The following IFNL2 variants were observed in gnomAD, a reference collection of about 807,000 sequenced individuals.
The protein encoded by IFNL2 is interferon lambda 2.
A neutral mutation model predicts 18.7 loss-of-function variants in IFNL2; 17 were observed. The ratio of observed to expected loss-of-function variants is 0.91; its 90% CI spans 0.62 to 1.36. IFNL2 has a LOEUF of 1.36. Ranked by LOEUF, IFNL2 falls within the 40% of genes most tolerant of loss-of-function variation. The probability of loss-of-function intolerance (pLI) is 0.00; values close to 1 mark genes in which losing one functional copy is unlikely to be tolerated. For missense variants in IFNL2, 225 were observed against 257.3 expected (o/e 0.87, Z 0.86); for synonymous variants, 96 against 113.4 (o/e 0.85, Z 0.98).
intron 3 of IFNL2, 113 bp downstream of exon 3, chr19:39,269,342 G>A: frequency 6.8e-7 from 1 of 1,473,726 alleles, no homozygotes; most frequent in Non-Finnish European, 9.2e-7. Flanking sequence ...CCTCACACCT[G>A]CTCTCCCTTC....
Position 39,270,096 on chromosome 19 carries a change from T to A in IFNL2, c.*83T>A, listed in dbSNP as rs550406753. 7.7e-6 allele frequency: 11 copies of A among 1,427,804 alleles called. No individual in the cohort carries two copies. In the South Asian group the frequency reaches 1.3e-4, roughly 16 times the overall value. The allele number at this position is 1,427,804 out of a possible 1,614,324, so 88.4% of individuals were successfully genotyped here. On this transcript the variant is annotated 3_prime_UTR_variant, in exon 6 of 6. Coordinates refer to ENST00000331982, the MANE Select transcript of IFNL2 (RefSeq NM_172138.2). ...TTTATTGCCACCCAGTCGCTATTTATGTATTTGTGTGTGTAAATCCAACTC... is the reference window on the plus strand; with the variant it reads ...TTTATTGCCACCCAGTCGCTATTTAAGTATTTGTGTGTGTAAATCCAACTC...
rs778475720 is a variant in IFNL2, at chr19:39,269,236, G to A, written c.270+7G>A. The A allele has an allele frequency of 1.2e-6, 2 of 1,606,398 alleles. No homozygotes were observed. The highest frequency in any genetic ancestry group is 8.5e-7 in the Non-Finnish European group (1 of 1,176,586). ...GGACCTGAGGCAGCTGCAGGTGAGA[G>A]GGGGAGTCAGGCCCACCCCTGCTCT... On this transcript the variant is annotated splice_region_variant and intron_variant, in intron 3 of 5. Transcript: ENST00000331982.
chr19:39,269,685 G>T (rs189546568), intron 4 of IFNL2, 48 bp downstream of exon 4: 2 of 1,610,400 alleles, frequency 1.2e-6, no homozygotes, highest in Non-Finnish European at 1.7e-6. Context: ...TCTGAGCAGC[G>T]TCCTTCCCCT....
chr19:39,268,625 C>G, intron 1 of IFNL2, 47 bp downstream of exon 1: 1 of 1,613,814 alleles, frequency 6.2e-7, no homozygotes, highest in Middle Eastern at 1.7e-4. Context: ...AGCCCCTGCC[C>G]TCAGTGGGCA....
intron 2 of IFNL2, 57 bp downstream of exon 2, chr19:39,268,915 C>A: frequency 1.3e-6 from 2 of 1,571,444 alleles, no homozygotes; most frequent in Non-Finnish European, 1.7e-6. Context: ...CTCCAAGCGT[C>A]ACCATGCTTT....
In IFNL2 at chr19:39,269,594, C is replaced by T. The variant is rs755421550; in HGVS notation, c.377C>T (p.Pro126Leu). Residue 126 changes from proline (P) to leucine (L), a missense_variant, in exon 4 of 6, where the codon CCC becomes CTC. Physicochemically the swap from Pro to Leu is moderately conservative, Grantham distance 98. Coordinates refer to ENST00000331982, the MANE Select transcript of IFNL2 (RefSeq NM_172138.2). ...GCCCTGGTGGACGTCTTGGACCAGC[C>T]CCTTCACACCCTGCACCATATCCTC... is the stretch of plus-strand genomic sequence containing the variant. Reference protein sequence around the residue: ...DPALVDVLDQPLHTLHHILSQ... With the variant: ...DPALVDVLDQLLHTLHHILSQ... 9.3e-6 allele frequency: 15 copies of T among 1,614,082 alleles called. No individual in the cohort carries two copies. The highest frequency in any genetic ancestry group is 1.3e-5 in the African/African-American group (1 of 74,906).
Position 39,268,751 on chromosome 19 carries a change from G to C in IFNL2, c.85G>C (p.Ala29Pro). ...VLTVTGAVPV[A>P]RLHGALPDAR... ...GACCGTGACTGGAGCAGTTCCTGTC[G>C]CCAGGCTCCACGGGGCTCTCCCGGA... is the stretch of plus-strand genomic sequence containing the variant. The change falls in exon 2 of 6, where the codon GCC becomes CCC. Residue 29 changes from alanine (A) to proline (P), a missense_variant. Ala to Pro is a conservative substitution (Grantham distance 27). Coordinates refer to ENST00000331982, the MANE Select transcript of IFNL2 (RefSeq NM_172138.2). The C allele has an allele frequency of 1.2e-6, 2 of 1,613,286 alleles. No individual in the cohort carries two copies. Among genetic ancestry groups the C allele is most frequent in the Non-Finnish European group, 1.7e-6 (2 of 1,179,860 alleles).
chr19:39,269,803 C>T lies in IFNL2; in HGVS notation c.486C>T (p.Leu162=). Reference sequence around the variant, plus strand: ...GCCTCCACCATTGGCTGTACCGGCTCCAGGAGGCCCCAAAAAAGGTGAGTG... The same window carrying T: ...GCCTCCACCATTGGCTGTACCGGCTTCAGGAGGCCCCAAAAAAGGTGAGTG... The part of the protein sequence containing the change: ...RGRLHHWLYR[L]QEAPKKESPG... Residue 162 remains leucine (L), a synonymous_variant, in exon 5 of 6, where the codon CTC becomes CTT. Coordinates refer to ENST00000331982, the MANE Select transcript of IFNL2 (RefSeq NM_172138.2). The T allele has an allele frequency of 6.2e-7, 1 of 1,608,478 alleles. No individual in the cohort carries two copies. Among genetic ancestry groups the T allele is most frequent in the Non-Finnish European group, 8.5e-7 (1 of 1,177,720 alleles).
rs1317910373 is a variant in IFNL2, at chr19:39,269,254, C to G, written c.270+25C>G. The G allele has an allele frequency of 5.6e-6, 9 of 1,596,794 alleles. No homozygotes were observed. In the African/African-American group the frequency reaches 1.2e-4, roughly 21 times the overall value. On this transcript the variant is annotated intron_variant, in intron 3 of 5. Transcript: ENST00000331982. ...GGTGAGAGGGGGAGTCAGGCCCACCCCTGCTCTCCCAGCCCCACTCACCTG... is the reference window on the plus strand; with the variant it reads ...GGTGAGAGGGGGAGTCAGGCCCACCGCTGCTCTCCCAGCCCCACTCACCTG...
chr19:39,269,983 T>G lies in IFNL2; in HGVS notation c.573T>G (p.Asn191Lys). The G allele has an allele frequency of 6.2e-7, 1 of 1,602,660 alleles. No homozygotes were observed. The highest frequency in any genetic ancestry group is 8.5e-7 in the Non-Finnish European group (1 of 1,174,402). Residue 191 changes from asparagine to lysine, a missense_variant, in exon 6 of 6, where the codon AAT (asparagine) becomes AAG (lysine). Coordinates refer to ENST00000331982, the MANE Select transcript of IFNL2 (RefSeq NM_172138.2). Reference protein sequence around the residue: ...NLFRLLTRDLNCVASGDLCV With the variant: ...NLFRLLTRDLKCVASGDLCV ...TCCGCCTCCTCACGCGAGACCTGAA[T>G]TGTGTTGCCAGTGGGGACCTGTGTG...
Position 39,268,735 on chromosome 19 carries a change from T to C in IFNL2, c.69T>C (p.Thr23=). 2 of 1,613,280 alleles carry C rather than the reference T, an allele frequency of 1.2e-6. No individual in the cohort carries two copies. The highest frequency in any genetic ancestry group is 1.7e-6 in the Non-Finnish European group (2 of 1,179,864). Residue 23 remains threonine (T), a synonymous_variant, in exon 2 of 6, where the codon ACT becomes ACC. Coordinates refer to ENST00000331982, the MANE Select transcript of IFNL2 (RefSeq NM_172138.2). The part of the protein sequence containing the change: ...LVLMAAVLTV[T]GAVPVARLHG... ...TGATGGCCGCAGTGCTGACCGTGAC[T>C]GGAGCAGTTCCTGTCGCCAGGCTCC...
In IFNL2 at chr19:39,268,857, T is replaced by C; in HGVS notation, c.191T>C (p.Leu64Ser). The change falls in exon 2 of 6, where the codon TTA becomes TCA. Residue 64 changes from leucine (L) to serine (S), a missense_variant and splice_region_variant. Physicochemically the swap from Leu to Ser is moderately radical, Grantham distance 145. Coordinates refer to ENST00000331982, the MANE Select transcript of IFNL2 (RefSeq NM_172138.2). ...GCCTTTAAGAGGGCCAAAGATGCCTTAGTGAGTCTCCCCCTGCCCTCCTGC... is the reference window on the plus strand; with the variant it reads ...GCCTTTAAGAGGGCCAAAGATGCCTCAGTGAGTCTCCCCCTGCCCTCCTGC... ...LQAFKRAKDA[L>S]EESLLLKDCR... The C allele has an allele frequency of 6.2e-7, 1 of 1,610,078 alleles. No individual in the cohort carries two copies. The highest frequency in any genetic ancestry group is 8.5e-7 in the Non-Finnish European group (1 of 1,177,232).
In IFNL2 at chr19:39,269,191, C is replaced by T. The variant is rs201517019; in HGVS notation, c.232C>T (p.Arg78Cys). 535 of 1,612,512 alleles carry T rather than the reference C, an allele frequency of 3.3e-4. 8 individuals carry two copies. Among genetic ancestry groups the T allele is most frequent in the South Asian group, 3.2e-3 (294 of 90,634 alleles). Residue 78 changes from arginine to cysteine, a missense_variant, in exon 3 of 6, where the codon CGC becomes TGC. By Grantham distance (180) the Arg-to-Cys change is radical (BLOSUM62 -3). Transcript: ENST00000331982. ...LLLKDCRCHS[R>C]LFPRTWDLRQ... ...GCTGAAGGACTGCAGGTGCCACTCC[C>T]GCCTCTTCCCCAGGACCTGGGACCT...
At position 39,270,022 on chromosome 19, in the gene IFNL2, C is replaced by T. The variant is rs1232973939; in HGVS notation, c.*9C>T. Reference sequence around the variant, plus strand: ...GGGACCTGTGTGTCTGACCCTCCCACCAGTCATGCAACCTGAGATTTTATT... The same window carrying T: ...GGGACCTGTGTGTCTGACCCTCCCATCAGTCATGCAACCTGAGATTTTATT... On this transcript the variant is annotated 3_prime_UTR_variant, in exon 6 of 6. Coordinates refer to ENST00000331982, the MANE Select transcript of IFNL2 (RefSeq NM_172138.2). The T allele has an allele frequency of 3.2e-6, 5 of 1,581,376 alleles. No individual in the cohort carries two copies. Among genetic ancestry groups the T allele is most frequent in the Admixed American group, 1.8e-5 (1 of 54,772 alleles).
chr19:39,269,936 G>A lies in IFNL2; in HGVS notation c.526G>A (p.Ala176Thr), dbSNP rs1158350750. 4 of 1,603,950 alleles carry A rather than the reference G, an allele frequency of 2.5e-6. No homozygotes were observed. The highest frequency in any genetic ancestry group is 1.3e-5 in the African/African-American group (1 of 74,548). Residue 176 changes from alanine (A) to threonine (T), a missense_variant, in exon 6 of 6, where the codon GCC (alanine) becomes ACC (threonine). Physicochemically the swap from Ala to Thr is moderately conservative, Grantham distance 58 (BLOSUM62 0). Coordinates refer to ENST00000331982, the MANE Select transcript of IFNL2 (RefSeq NM_172138.2). ...PKKESPGCLE[A>T]SVTFNLFRLL... The stretch of plus-strand genomic sequence containing the variant: ...ACAGGAGTCCCCTGGCTGCCTCGAG[G>A]CCTCTGTCACCTTCAACCTCTTCCG...
chr19:39,269,234 G>T lies in IFNL2; in HGVS notation c.270+5G>T. 6.2e-7 allele frequency: 1 copy of T among 1,608,304 alleles called. No homozygotes were observed. On this transcript the variant is annotated splice_donor_5th_base_variant and intron_variant, in intron 3 of 5. Coordinates refer to ENST00000331982, the MANE Select transcript of IFNL2 (RefSeq NM_172138.2). ...TGGGACCTGAGGCAGCTGCAGGTGA[G>T]AGGGGGAGTCAGGCCCACCCCTGCT...
At position 39,269,570 on chromosome 19, in the gene IFNL2, C is replaced by T. The variant is rs1246184675; in HGVS notation, c.353C>T (p.Ala118Val). The change falls in exon 4 of 6, where the codon GCC becomes GTC. Residue 118 changes from alanine to valine, a missense_variant. Coordinates refer to ENST00000331982, the MANE Select transcript of IFNL2 (RefSeq NM_172138.2). ...VLEATADTDPALVDVLDQPLH... is the reference protein window; with the variant it reads ...VLEATADTDPVLVDVLDQPLH... Reference sequence around the variant, plus strand: ...GAGGCCACCGCTGACACTGACCCAGCCCTGGTGGACGTCTTGGACCAGCCC... The same window carrying T: ...GAGGCCACCGCTGACACTGACCCAGTCCTGGTGGACGTCTTGGACCAGCCC... The T allele has an allele frequency of 1.2e-6, 2 of 1,614,238 alleles. No individual in the cohort carries two copies. Among genetic ancestry groups the T allele is most frequent in the Non-Finnish European group, 1.7e-6 (2 of 1,180,056 alleles).
At chr19:39,269,285 G>T (rs1568559089) in intron 3 of IFNL2, 56 bp downstream of exon 3, 9 of 1,555,168 alleles carry the variant, frequency 5.8e-6, no homozygotes, top group Non-Finnish European at 7.9e-6. Context: ...ACCTGGCTCT[G>T]TAGTGGCCCC....
Position 39,269,904 on chromosome 19 carries a change from C to T in IFNL2, c.505-11C>T. On this transcript the variant is annotated splice_polypyrimidine_tract_variant and intron_variant, in intron 5 of 5. Coordinates refer to ENST00000331982, the MANE Select transcript of IFNL2 (RefSeq NM_172138.2). ...CCAGACAGCCCCTGACCCATCCCCT[C>T]CTCCCTACAGGAGTCCCCTGGCTGC... is the stretch of plus-strand genomic sequence containing the variant. 1.2e-6 allele frequency: 2 copies of T among 1,607,942 alleles called. No individual in the cohort carries two copies. Among genetic ancestry groups the T allele is most frequent in the Non-Finnish European group, 1.7e-6 (2 of 1,177,098 alleles).
Sources: gnomAD v4.1 joint callset for allele counts on GRCh38, gnomAD v4.1.1 for gene constraint, MANE v1.5 for transcripts, NCBI Gene and HGNC (gene_info 2026-07-23, HGNC 2026-07-21) for gene names.